Variants in HCN3 observed in about 807,000 individuals in gnomAD.
HCN3 encodes potassium/sodium hyperpolarization-activated cyclic nucleotide-gated channel 3.
Under a neutral mutation model 56.8 loss-of-function variants are expected in HCN3, and 36 were observed. The ratio of observed to expected loss-of-function variants is 0.63; its 90% CI spans 0.49 to 0.84. The LOEUF is 0.84. Among genes scored for constraint, HCN3 ranks in the 40% least tolerant of loss-of-function variants. The pLI, the probability that HCN3 is intolerant of heterozygous loss-of-function variation, is 0.00. For missense variants in HCN3, 930 were observed against 1,079.3 expected (o/e 0.86, Z 1.94); for synonymous variants, 425 against 439.7 (o/e 0.97, Z 0.42).
chr1:155,285,909 T>A lies in HCN3; in HGVS notation c.1422T>A (p.Ser474Arg), dbSNP rs1396236358. The change falls in exon 6 of 8, where the codon AGT (serine) becomes AGA (arginine). Residue 474 changes from serine to arginine, a missense_variant. Physicochemically the swap from Ser to Arg is moderately radical, Grantham distance 110. Coordinates refer to ENST00000368358, the MANE Select transcript of HCN3 (RefSeq NM_020897.3). This position sits in a 1 kb window ranked among gnomAD's most constrained non-coding sequence, Gnocchi z 4.5. ...ACTTCATCCAGCATGGGCTGCTCAGTGTGCTGGCCCGCGGCGCCCGGGACA... is the reference window on the plus strand; with the variant it reads ...ACTTCATCCAGCATGGGCTGCTCAGAGTGCTGGCCCGCGGCGCCCGGGACA... ...KMYFIQHGLL[S>R]VLARGARDTR... The A allele has an allele frequency of 1.2e-6, 2 of 1,610,146 alleles. No homozygotes were observed. Among genetic ancestry groups the A allele is most frequent in the Non-Finnish European group, 1.7e-6 (2 of 1,176,800 alleles).
At position 155,282,798 on chromosome 1, in the gene HCN3, C is replaced by G; in HGVS notation, c.666C>G (p.Leu222=). ...FTKILSLLRL[L]RLSRLIRYIH... ...AGATCCTAAGCCTGCTGAGGCTGCT[C>G]CGCCTCTCCCGCCTCATCCGCTACA... The change falls in exon 2 of 8, where the codon CTC becomes CTG. Residue 222 remains leucine (L), a synonymous_variant. Transcript: ENST00000368358. This position sits in a 1 kb window ranked among gnomAD's most constrained non-coding sequence, Gnocchi z 4.7. The G allele has an allele frequency of 7.5e-6, 12 of 1,608,736 alleles. No homozygotes were observed. Among genetic ancestry groups the G allele is most frequent in the Non-Finnish European group, 1.0e-5 (12 of 1,177,000 alleles).
rs1176999587 is a variant in HCN3 at position 155,285,213 on chromosome 1, A to G, written c.1138A>G (p.Thr380Ala). ...GTCCTTCCACAAGCTGCCAGCAGAC[A>G]CGCGGCAGCGCATCCACGAGTACTA... ...YMSFHKLPAD[T>A]RQRIHEYYEH... The change falls in exon 5 of 8, where the codon ACG becomes GCG. Residue 380 changes from threonine to alanine, a missense_variant. Thr to Ala is a moderately conservative substitution (Grantham distance 58, BLOSUM62 0). Transcript: ENST00000368358. The surrounding 1 kb of genome is among the most constrained non-coding windows in gnomAD (Gnocchi z 4.5). The G allele has an allele frequency of 1.2e-6, 2 of 1,613,382 alleles. No individual in the cohort carries two copies. The highest frequency in any genetic ancestry group is 1.1e-5 in the South Asian group (1 of 91,056).
At chr1:155,279,654 T>A (rs1235378245) in intron 1 of HCN3, among the ~76,000 whole-genome samples, 1 of 152,090 alleles carries the variant, frequency 6.6e-6, no homozygotes, top group Non-Finnish European at 1.5e-5. Context: ...GGGGAGGGCA[T>A]GAGGTCCTAG....
rs1172977143 is a variant in HCN3, at chr1:155,277,754, C to T, written c.164C>T (p.Pro55Leu). 2 of 1,606,602 alleles carry T rather than the reference C, an allele frequency of 1.2e-6. No homozygotes were observed. Among genetic ancestry groups the T allele is most frequent in the Non-Finnish European group, 1.7e-6 (2 of 1,176,970 alleles). Residue 55 changes from proline to leucine, a missense_variant, in exon 1 of 8, where the codon CCT becomes CTT. Physicochemically the swap from Pro to Leu is moderately conservative, Grantham distance 98. Coordinates refer to ENST00000368358, the MANE Select transcript of HCN3 (RefSeq NM_020897.3). ...AGGCACCTTGGGACGCTGCTCCAGC[C>T]TACGGTCAACAAGTTCTCCCTTCGG... ...KRRHLGTLLQ[P>L]TVNKFSLRVF...
chr1:155,285,110 G>A lies in HCN3; in HGVS notation c.1090-55G>A. On this transcript the variant is annotated intron_variant, in intron 4 of 7. Transcript: ENST00000368358. The surrounding 1 kb of genome is among the most constrained non-coding windows in gnomAD (Gnocchi z 4.5). ...TTCCGCACACACACCCCACTGTGCC[G>A]GCCCCAAATCTCTCCCTCTGTCCTC... The A allele has an allele frequency of 5.7e-6, 9 of 1,591,810 alleles. No homozygotes were observed. Among genetic ancestry groups the A allele is most frequent in the Non-Finnish European group, 7.7e-6 (9 of 1,166,220 alleles).
In HCN3 at chr1:155,284,497, G is replaced by C. The variant is rs372932302; in HGVS notation, c.871-42G>C. ...AGGGGCAGGCAGAGAATGAGGCTCC[G>C]AGGGGCCCATGCCCAGCTCTGCAAT... is the stretch of plus-strand genomic sequence containing the variant. On this transcript the variant is annotated intron_variant, in intron 3 of 7. Coordinates refer to ENST00000368358, the MANE Select transcript of HCN3 (RefSeq NM_020897.3). The surrounding 1 kb of genome is among the most constrained non-coding windows in gnomAD (Gnocchi z 4.3). 3 of 1,569,640 alleles carry C rather than the reference G, an allele frequency of 1.9e-6. No individual in the cohort carries two copies. Among genetic ancestry groups the C allele is most frequent in the Admixed American group, 3.4e-5 (2 of 58,478 alleles).
intron 1 of HCN3, among the ~76,000 whole-genome samples, chr1:155,280,500 A>G (rs1032126200): frequency 1.3e-5 from 2 of 149,642 alleles, no homozygotes; most frequent in East Asian, 2.0e-4. Context: ...GCAGTGGCAC[A>G]ATCTCGGCTC....
At position 155,277,606 on chromosome 1, in the gene HCN3, C is replaced by A. The variant is rs751018628; in HGVS notation, c.16C>A (p.Arg6=). 106 of 1,558,154 alleles carry A rather than the reference C, an allele frequency of 6.8e-5. No homozygotes were observed. Among genetic ancestry groups the A allele is most frequent in the Non-Finnish European group, 8.3e-5 (96 of 1,152,400 alleles). MEAEQ[R]PAAGASEGAT... ...GGTGGGCGCCATGGAGGCAGAGCAGCGGCCGGCGGCGGGGGCCAGCGAAGG... is the reference window on the plus strand; with the variant it reads ...GGTGGGCGCCATGGAGGCAGAGCAGAGGCCGGCGGCGGGGGCCAGCGAAGG... Residue 6 remains arginine (R), a synonymous_variant, in exon 1 of 8, where the codon CGG becomes AGG. Coordinates refer to ENST00000368358, the MANE Select transcript of HCN3 (RefSeq NM_020897.3).
At position 155,288,595 on chromosome 1, in the gene HCN3, G is replaced by C. The variant is rs550948575; in HGVS notation, c.*132G>C. On this transcript the variant is annotated 3_prime_UTR_variant, in exon 8 of 8. Coordinates refer to ENST00000368358, the MANE Select transcript of HCN3 (RefSeq NM_020897.3). The surrounding 1 kb of genome is among the most constrained non-coding windows in gnomAD (Gnocchi z 6.5). ...AATGTCGACCCTGTGCGGACATTCC[G>C]CATACTGCCATGAAGACGGTCTCTG... 8.7e-7 allele frequency: 1 copy of C among 1,151,266 alleles called. No homozygotes were observed. Among genetic ancestry groups the C allele is most frequent in the East Asian group, 2.5e-5 (1 of 40,264 alleles). 71.3% of individuals were successfully genotyped at this position (1,151,266 alleles called of 1,614,324 possible). A position where few individuals can be genotyped will look rare whatever the true frequency, so the allele number is the denominator to read the frequency against.
Position 155,288,796 on chromosome 1 carries a change from C to T in HCN3, c.*333C>T. The T allele has an allele frequency of 3.2e-6, 1 of 315,466 alleles. No individual in the cohort carries two copies. The highest frequency in any genetic ancestry group is 8.1e-5 in the South Asian group (1 of 12,278). 19.5% of individuals were successfully genotyped at this position (315,466 alleles called of 1,614,324 possible). A position where few individuals can be genotyped will look rare whatever the true frequency, so the allele number is the denominator to read the frequency against. On this transcript the variant is annotated 3_prime_UTR_variant, in exon 8 of 8. Coordinates refer to ENST00000368358, the MANE Select transcript of HCN3 (RefSeq NM_020897.3). This position sits in a 1 kb window ranked among gnomAD's most constrained non-coding sequence, Gnocchi z 6.5. ...GGATATTCCCTTGGCTATGGTCCTG[C>T]CAGGTGCAGGCCCAGGCCCATGACC...
chr1:155,282,641 G>C lies in HCN3; in HGVS notation c.509G>C (p.Arg170Pro). The change falls in exon 2 of 8, where the codon CGC becomes CCC. Residue 170 changes from arginine to proline, a missense_variant. Physicochemically the swap from Arg to Pro is moderately radical, Grantham distance 103. Transcript: ENST00000368358. This position sits in a 1 kb window ranked among gnomAD's most constrained non-coding sequence, Gnocchi z 4.7. Reference protein sequence around the residue: ...APRAIRTRYLRTWFLVDLISS... With the variant: ...APRAIRTRYLPTWFLVDLISS... ...CGGGCCATCCGCACGCGCTACCTGC[G>C]CACCTGGTTCCTGGTTGACCTCATC... The C allele has an allele frequency of 6.2e-7, 1 of 1,614,238 alleles. No homozygotes were observed. Among genetic ancestry groups the C allele is most frequent in the Non-Finnish European group, 8.5e-7 (1 of 1,180,040 alleles).
rs1197936055 is a variant in HCN3, at chr1:155,284,516, C to G, written c.871-23C>G. On this transcript the variant is annotated intron_variant, in intron 3 of 7. Coordinates refer to ENST00000368358, the MANE Select transcript of HCN3 (RefSeq NM_020897.3). This position sits in a 1 kb window ranked among gnomAD's most constrained non-coding sequence, Gnocchi z 4.3. Reference sequence around the variant, plus strand: ...GGCTCCGAGGGGCCCATGCCCAGCTCTGCAATATACTCTGCCCCTCAGAAC... The same window carrying G: ...GGCTCCGAGGGGCCCATGCCCAGCTGTGCAATATACTCTGCCCCTCAGAAC... 2.5e-6 allele frequency: 4 copies of G among 1,598,688 alleles called. No individual in the cohort carries two copies. In the African/African-American group the frequency reaches 4.0e-5, roughly 16 times the overall value.
Position 155,285,227 on chromosome 1 carries a change from C to T in HCN3, c.1152C>T (p.Ile384=), listed in dbSNP as rs1399266216. ...TGCCAGCAGACACGCGGCAGCGCAT[C>T]CACGAGTACTATGAGCACCGCTACC... ...HKLPADTRQR[I]HEYYEHRYQG... is the part of the protein sequence containing the mutation. Residue 384 remains isoleucine (I), a synonymous_variant, in exon 5 of 8, where the codon ATC becomes ATT. Transcript: ENST00000368358. This position sits in a 1 kb window ranked among gnomAD's most constrained non-coding sequence, Gnocchi z 4.5. 6.2e-7 allele frequency: 1 copy of T among 1,614,242 alleles called. No homozygotes were observed.
At chr1:155,280,251 ATTTATTTATTTAT>A (rs936529290) in intron 1 of HCN3, among the ~76,000 whole-genome samples, 3 of 134,670 alleles carry the variant, frequency 2.2e-5, no homozygotes, top group Non-Finnish European at 4.6e-5. Context: ...GCAAATTTTT[ATTTATTTATTTAT>A]TTTATTTATT....
In HCN3 at chr1:155,287,153, C is replaced by A; in HGVS notation, c.1478-20C>A. On this transcript the variant is annotated intron_variant, in intron 6 of 7. Coordinates refer to ENST00000368358, the MANE Select transcript of HCN3 (RefSeq NM_020897.3). ...TGGGGACAAGGACGGGGTTCTGAAGCTTCCTCCCAATTTCTGCAGAGATCT... is the reference window on the plus strand; with the variant it reads ...TGGGGACAAGGACGGGGTTCTGAAGATTCCTCCCAATTTCTGCAGAGATCT... 6.2e-7 allele frequency: 1 copy of A among 1,609,646 alleles called. No individual in the cohort carries two copies. The highest frequency in any genetic ancestry group is 8.5e-7 in the Non-Finnish European group (1 of 1,179,690).
Position 155,284,501 on chromosome 1 carries a change from G to A in HCN3, c.871-38G>A. On this transcript the variant is annotated intron_variant, in intron 3 of 7. Transcript: ENST00000368358. The surrounding 1 kb of genome is among the most constrained non-coding windows in gnomAD (Gnocchi z 4.3). ...GCAGGCAGAGAATGAGGCTCCGAGG[G>A]GCCCATGCCCAGCTCTGCAATATAC... 6.3e-7 allele frequency: 1 copy of A among 1,575,108 alleles called. No homozygotes were observed. The highest frequency in any genetic ancestry group is 8.7e-7 in the Non-Finnish European group (1 of 1,152,596).
Position 155,284,775 on chromosome 1 carries a change from A to G in HCN3, c.1089+18A>G. The G allele has an allele frequency of 6.2e-7, 1 of 1,601,178 alleles. No individual in the cohort carries two copies. The highest frequency in any genetic ancestry group is 2.2e-5 in the East Asian group (1 of 44,546). On this transcript the variant is annotated intron_variant, in intron 4 of 7. Transcript: ENST00000368358. The surrounding 1 kb of genome is among the most constrained non-coding windows in gnomAD (Gnocchi z 4.3). The stretch of plus-strand genomic sequence containing the variant: ...AGGAGAAGGTCAGCAGGGACAGGAG[A>G]GGGAGGTGTGGCATGGAGGGGTGTT...
At position 155,285,895 on chromosome 1, in the gene HCN3, C is replaced by T; in HGVS notation, c.1408C>T (p.His470Tyr). ...GGGGAGGAAGATGTACTTCATCCAG[C>T]ATGGGCTGCTCAGTGTGCTGGCCCG... is the stretch of plus-strand genomic sequence containing the variant. ...SVGRKMYFIQ[H>Y]GLLSVLARGA... The change falls in exon 6 of 8, where the codon CAT (histidine) becomes TAT (tyrosine). Residue 470 changes from histidine (H) to tyrosine (Y), a missense_variant. Transcript: ENST00000368358. The surrounding 1 kb of genome is among the most constrained non-coding windows in gnomAD (Gnocchi z 4.5). 6.2e-7 allele frequency: 1 copy of T among 1,613,868 alleles called. No individual in the cohort carries two copies. The highest frequency in any genetic ancestry group is 8.5e-7 in the Non-Finnish European group (1 of 1,179,776).
intron 6 of HCN3, among the ~76,000 whole-genome samples, chr1:155,286,916 A>G (rs1198573265): frequency 6.6e-6 from 1 of 152,162 alleles, no homozygotes; most frequent in Non-Finnish European, 1.5e-5. Context: ...TAGGGCCAGC[A>G]AGACCTGCCT....
Sources: allele counts gnomAD v4.1 joint callset (sites outside exome capture counted in the v4.1 genomes callset), GRCh38; gene constraint gnomAD v4.1.1; non-coding constraint Gnocchi (gnomAD v3.1); transcripts MANE v1.5; gene names NCBI Gene and HGNC (gene_info 2026-07-23, HGNC 2026-07-21).